Variants in AASDH observed in about 807,000 individuals in gnomAD.
AASDH encodes the protein beta-alanine-activating enzyme.
Under a neutral mutation model 102.3 loss-of-function variants are expected in AASDH, and 81 were observed. The ratio of observed to expected loss-of-function variants is 0.79; its 90% CI spans 0.66 to 0.95. AASDH has a LOEUF of 0.95. AASDH is among the 40% of genes least tolerant of loss of function. AASDH has a pLI of 0.00. For synonymous variants in AASDH, 398 were observed against 454.0 expected (o/e 0.88, Z 1.57); for missense variants, 1,203 against 1,266.2 (o/e 0.95, Z 0.76).
In AASDH at chr4:56,349,898, G is replaced by A; in HGVS notation, c.1853C>T (p.Ser618Phe). Residue 618 changes from serine (S) to phenylalanine (F), a missense_variant, in exon 11 of 15, where the codon TCC becomes TTC. Physicochemically the swap from Ser to Phe is radical, Grantham distance 155. Transcript: ENST00000205214. Reference protein sequence around the residue: ...PGLLEIILSSSILEIYNHILQ... With the variant: ...PGLLEIILSSFILEIYNHILQ... ...GATGTGATTATAAATCTCTAAAATG[G>A]AACTGCTGAGAATAATTTCCAGAAG... The A allele has an allele frequency of 6.2e-7, 1 of 1,614,046 alleles. No individual in the cohort carries two copies. The highest frequency in any genetic ancestry group is 8.5e-7 in the Non-Finnish European group (1 of 1,180,024).
In AASDH at chr4:56,340,014, C is replaced by A. The variant is rs552118917; in HGVS notation, c.2908-1223G>T. On this transcript the variant is annotated intron_variant, in intron 14 of 14. Coordinates refer to ENST00000205214, the MANE Select transcript of AASDH (RefSeq NM_181806.4). ...TGAAACCCCATCTCTACTAAAAATACAAAAATTAGCTGGGTGTGGTGGTAC... is the reference window on the plus strand; with the variant it reads ...TGAAACCCCATCTCTACTAAAAATAAAAAAATTAGCTGGGTGTGGTGGTAC... Among the ~76,000 whole-genome samples, 5 of 152,018 alleles carry A rather than the reference C, an allele frequency of 3.3e-5. No homozygotes were observed. In the South Asian group the frequency reaches 8.3e-4, roughly 25 times the overall value.
chr4:56,351,047 A>G (rs1748938238), intron 10 of AASDH, among the ~76,000 whole-genome samples: 1 of 152,212 alleles, frequency 6.6e-6, no homozygotes, highest in African/African-American at 2.4e-5. Context: ...GAGTGTTACT[A>G]CATTCCACCG....
At chr4:56,369,413 G>C (rs965629287) in intron 5 of AASDH, among the ~76,000 whole-genome samples, 2 of 152,110 alleles carry the variant, frequency 1.3e-5, no homozygotes, top group African/African-American at 4.8e-5. Flanking sequence ...TAGATCCACA[G>C]AATTCATGGA....
intron 5 of AASDH, among the ~76,000 whole-genome samples, chr4:56,367,119 T>G (rs1751111392): frequency 1.3e-5 from 2 of 152,228 alleles, no homozygotes; most frequent in South Asian, 4.1e-4. Context: ...CATTCACAAT[T>G]GCTTCAAAGA....
chr4:56,384,431 CAA>C lies in AASDH; in HGVS notation c.-42-92_-42-91del. On this transcript the variant is annotated intron_variant, in intron 1 of 14. Coordinates refer to ENST00000205214, the MANE Select transcript of AASDH (RefSeq NM_181806.4). ...AAAACTTCTCTACAATAATATCTCA[CAA>C]AAATAATTATATCAAAGATATATAA... 4.9e-6 allele frequency: 3 copies of C among 612,100 alleles called. No individual in the cohort carries two copies. In the East Asian group the frequency reaches 8.3e-5, roughly 17 times the overall value. The allele number at this position is 612,100 out of a possible 1,614,324, so 37.9% of individuals were successfully genotyped here.
At position 56,354,760 on chromosome 4, in the gene AASDH, T is replaced by G; in HGVS notation, c.1155A>C (p.Glu385Asp). ...LGFPLLGTVV[E>D]VRDTNGFTIQ... ...TTGTGAAGCCATTAGTATCTCTGAC[T>G]TCAACTACTGTTCCAAGAAGTGGAA... Residue 385 changes from glutamate to aspartate, a missense_variant, in exon 7 of 15, where the codon GAA (glutamate) becomes GAC (aspartate). Glu to Asp is a conservative substitution (Grantham distance 45, BLOSUM62 2). Transcript: ENST00000205214. 1 of 1,611,886 alleles carries G rather than the reference T, an allele frequency of 6.2e-7. No homozygotes were observed. Among genetic ancestry groups the G allele is most frequent in the Non-Finnish European group, 8.5e-7 (1 of 1,179,058 alleles).
At position 56,350,073 on chromosome 4, in the gene AASDH, A is replaced by G. The variant is rs1185310173; in HGVS notation, c.1693-15T>C. ...TTCAGAGTAGACTACAGATGAGAGA[A>G]TAGAGAAATATGTGACGTAAAGGTC... On this transcript the variant is annotated splice_polypyrimidine_tract_variant and intron_variant, in intron 10 of 14. Coordinates refer to ENST00000205214, the MANE Select transcript of AASDH (RefSeq NM_181806.4). The G allele has an allele frequency of 6.5e-7, 1 of 1,547,226 alleles. No homozygotes were observed. Among genetic ancestry groups the G allele is most frequent in the African/African-American group, 1.4e-5 (1 of 72,298 alleles).
intron 2 of AASDH, among the ~76,000 whole-genome samples, chr4:56,382,860 G>A (rs1299418089): frequency 1.3e-5 from 2 of 152,072 alleles, no homozygotes; most frequent in Admixed American, 1.3e-4. Flanking sequence ...ACCTGAGGTC[G>A]GGAGTTGGAG....
Position 56,338,493 on chromosome 4 carries a change from GAGA to G in AASDH, c.3203_3205del (p.Phe1068del). The G allele has an allele frequency of 2.5e-6, 4 of 1,614,008 alleles. No homozygotes were observed. The highest frequency in any genetic ancestry group is 2.2e-5 in the East Asian group (1 of 44,878). ...CATTGATTCCAGGACCACAGGAGAA[GAGA>G]AGACTTCTCCAGGAAGTTCATAAAC... On this transcript the variant is annotated inframe_deletion, in exon 15 of 15. Coordinates refer to ENST00000205214, the MANE Select transcript of AASDH (RefSeq NM_181806.4).
chr4:56,355,140 A>G (rs540271053), intron 6 of AASDH, 42 bp downstream of exon 6: 1 of 1,578,046 alleles, frequency 6.3e-7, no homozygotes, highest in South Asian at 1.2e-5. Context: ...TCCTAGAAAT[A>G]TACAGTCTCT....
intron 5 of AASDH, among the ~76,000 whole-genome samples, chr4:56,362,351 ACCT>A (rs1750405545): frequency 6.6e-6 from 1 of 151,812 alleles, no homozygotes. Context: ...TGCAACCTCC[ACCT>A]CCTGGATTCA....
At chr4:56,363,537 G>A (rs931381528) in intron 5 of AASDH, among the ~76,000 whole-genome samples, 17 of 152,166 alleles carry the variant, frequency 1.1e-4, no homozygotes, top group Admixed American at 1.1e-3. Flanking sequence ...CCAGAAGAAC[G>A]ATCAGGCAGC....
In AASDH at chr4:56,354,064, C is replaced by T. The variant is rs748139483; in HGVS notation, c.1358G>A (p.Arg453His). The T allele has an allele frequency of 4.3e-6, 7 of 1,611,566 alleles. No individual in the cohort carries two copies. The highest frequency in any genetic ancestry group is 5.9e-6 in the Non-Finnish European group (7 of 1,178,668). The part of the protein sequence containing the change: ...KDSQIKRHGK[R>H]LNIELVQQVA... ...CTGTTGCACAAGTTCAATGTTAAGA[C>T]GTTTGCCATGACGTTTGATCTGACT... Residue 453 changes from arginine (R) to histidine (H), a missense_variant, in exon 8 of 15, where the codon CGT becomes CAT. By Grantham distance (29) the Arg-to-His change is conservative. Transcript: ENST00000205214.
chr4:56,362,845 T>C (rs1750474615), intron 5 of AASDH, among the ~76,000 whole-genome samples: 1 of 152,094 alleles, frequency 6.6e-6, no homozygotes, highest in Non-Finnish European at 1.5e-5. Flanking sequence ...CATTTCCAAC[T>C]GAGGTACCAG....
intron 5 of AASDH, among the ~76,000 whole-genome samples, chr4:56,363,024 C>G (rs188649218): frequency 6.6e-6 from 1 of 152,382 alleles, no homozygotes; most frequent in Non-Finnish European, 1.5e-5. Context: ...CACTCCCACA[C>G]TAATACTGCG....
At chr4:56,342,295 A>G (rs890348649) in intron 14 of AASDH, among the ~76,000 whole-genome samples, 3 of 152,182 alleles carry the variant, frequency 2.0e-5, no homozygotes, top group African/African-American at 7.2e-5. Context: ...AAGAGAAGAC[A>G]TGAAATGATC....
Position 56,343,644 on chromosome 4 carries a change from A to G in AASDH, c.2693T>C (p.Val898Ala), listed in dbSNP as rs1243121849. The G allele has an allele frequency of 3.1e-6, 5 of 1,610,432 alleles. No individual in the cohort carries two copies. In the African/African-American group the frequency reaches 6.7e-5, roughly 22 times the overall value. ...CAGGTTCAAACACGGAGAGGAAAAG[A>G]CAGTTCCTCCACATTTTGACTTCCA... ...CVWKSKCGGT[V>A]FSSPCLNLIP... Residue 898 changes from valine to alanine, a missense_variant, in exon 13 of 15, where the codon GTC (valine) becomes GCC (alanine). Transcript: ENST00000205214.
chr4:56,384,372 G>A (rs1753312417), intron 1 of AASDH, 31 bp from the exon 2 acceptor site: 12 of 1,388,060 alleles, frequency 8.6e-6, no homozygotes, highest in South Asian at 3.6e-5. Context: ...TAGGGGGAGA[G>A]GGAGTTTTAG....
chr4:56,364,625 A>G (rs1208240087), intron 5 of AASDH, among the ~76,000 whole-genome samples: 1 of 152,234 alleles, frequency 6.6e-6, no homozygotes, highest in Non-Finnish European at 1.5e-5. Context: ...ACTAAGCTTC[A>G]TAAGTGAAGG....
Sources: gnomAD v4.1 joint callset for allele counts (sites outside exome capture counted in the v4.1 genomes callset) on GRCh38, gnomAD v4.1.1 for gene constraint, MANE v1.5 for transcripts, NCBI Gene and HGNC (gene_info 2026-07-23, HGNC 2026-07-21) for gene names.